The following ERBB4 variants were observed in gnomAD, a reference collection of about 807,000 sequenced individuals.
The protein encoded by ERBB4 is erb-b2 receptor tyrosine kinase 4.
Under a neutral mutation model 158.0 loss-of-function variants are expected in ERBB4, and 42 were observed. The observed-to-expected ratio is 0.27, with a 90% confidence interval of 0.21 to 0.34. The LOEUF (loss-of-function observed/expected upper bound fraction) is 0.34. Among genes scored for constraint, ERBB4 ranks in the 10% least tolerant of loss-of-function variants. ERBB4 has a pLI of 1.00. For missense variants in ERBB4, 1,333 were observed against 1,624.1 expected (o/e 0.82, Z 3.08); for synonymous variants, 583 against 558.7 (o/e 1.04, Z -0.61).
At chr2:212,293,873 A>AT (rs1553612446) in intron 1 of ERBB4, among the ~76,000 whole-genome samples, 3 of 146,058 alleles carry the variant, frequency 2.1e-5, no homozygotes, top group African/African-American at 8.0e-5. Context: ...AAAAAAAAAA[A>AT]CATACATTTG....
chr2:211,828,375 A>G (rs2077148220), intron 3 of ERBB4, among the ~76,000 whole-genome samples: 1 of 152,124 alleles, frequency 6.6e-6, no homozygotes. Flanking sequence ...TGAAATAAGG[A>G]AAGTAGAACA....
At chr2:211,667,942 T>G (rs2071691553) in intron 14 of ERBB4, among the ~76,000 whole-genome samples, 1 of 152,286 alleles carries the variant, frequency 6.6e-6, no homozygotes, top group South Asian at 2.1e-4. Context: ...CCGGGATATA[T>G]TCTGAGCAAT....
chr2:211,734,909 C>CAGAAAA (rs2074553770), intron 5 of ERBB4, among the ~76,000 whole-genome samples: 1 of 69,306 alleles, frequency 1.4e-5, no homozygotes, highest in African/African-American at 6.3e-5. Context: ...GAGACTCTGT[C>CAGAAAA]AAAAAAAAAA....
chr2:211,880,429 T>G (rs1160018346), intron 3 of ERBB4, among the ~76,000 whole-genome samples: 1 of 152,190 alleles, frequency 6.6e-6, no homozygotes, highest in Non-Finnish European at 1.5e-5. Flanking sequence ...CTATTATGTC[T>G]ATCCCTCATG....
intron 1 of ERBB4, chr2:212,426,164 GAATGTGATA>G (rs2091906975): frequency 1.2e-5 from 5 of 402,542 alleles, no homozygotes; most frequent in South Asian, 5.9e-5. Flanking sequence ...TTTTAAGTTT[GAATGTGATA>G]TCACTCTTTA....
chr2:211,579,353 A>C (rs562061891), intron 19 of ERBB4, among the ~76,000 whole-genome samples: 2 of 152,280 alleles, frequency 1.3e-5, no homozygotes, highest in Admixed American at 1.3e-4. Flanking sequence ...GTTGGTGAGA[A>C]TGTAAATTAG....
chr2:212,529,869 C>T (rs1156407029), intron 1 of ERBB4, among the ~76,000 whole-genome samples: 1 of 151,966 alleles, frequency 6.6e-6, no homozygotes, highest in Non-Finnish European at 1.5e-5. Flanking sequence ...AGTAAAAGCA[C>T]CAAGTAAGCC....
At chr2:211,856,366 C>CTATTTATTTATTTATTTATTTATT (rs33972622) in intron 3 of ERBB4, among the ~76,000 whole-genome samples, 1 of 140,642 alleles carries the variant, frequency 7.1e-6, no homozygotes, top group Non-Finnish European at 1.5e-5. Context: ...CTTGTAATTT[C>CTATTTATTTATTTATTTATTTATT]TATTTATTTA....
chr2:212,346,514 T>C (rs2089008087), intron 1 of ERBB4, among the ~76,000 whole-genome samples: 3 of 152,170 alleles, frequency 2.0e-5, no homozygotes, highest in African/African-American at 7.2e-5. Context: ...TTTTAAAATA[T>C]ATTTAAAACA....
At chr2:211,915,305 T>G (rs1169333272) in intron 3 of ERBB4, among the ~76,000 whole-genome samples, 1 of 152,092 alleles carries the variant, frequency 6.6e-6, no homozygotes. Flanking sequence ...TGCACCACTT[T>G]CCCACAGCAA....
intron 22 of ERBB4, among the ~76,000 whole-genome samples, chr2:211,427,941 GAAA>G (rs34071141): frequency 3.9e-4 from 54 of 137,760 alleles, no homozygotes; most frequent in South Asian, 2.8e-3. Flanking sequence ...AATAAACCAG[GAAA>G]AAAAAAAAAA....
At chr2:212,054,319 A>G (rs1471622307) in intron 2 of ERBB4, among the ~76,000 whole-genome samples, 1 of 152,180 alleles carries the variant, frequency 6.6e-6, no homozygotes, top group Admixed American at 6.5e-5. Flanking sequence ...TAAAGCATGC[A>G]TGAAGGTTTT....
intron 3 of ERBB4, among the ~76,000 whole-genome samples, chr2:211,811,216 C>CA (rs2076748341): frequency 6.6e-6 from 1 of 152,130 alleles, no homozygotes; most frequent in African/African-American, 2.4e-5. Flanking sequence ...CTGGTGGTGA[C>CA]AAAATCTCTC....
chr2:212,373,724 CAT>C lies in ERBB4; in HGVS notation c.82+164723_82+164724del, dbSNP rs545859352. 1.3e-3 allele frequency among the ~76,000 whole-genome samples: 174 copies of C among 136,248 alleles called. 3 individuals are homozygous for C. The highest frequency in any genetic ancestry group is 4.8e-3 in the South Asian group (20 of 4,202). The allele number at this position is 136,248 out of a possible 152,430, so 89.4% of individuals were successfully genotyped here. On this transcript the variant is annotated intron_variant, in intron 1 of 27. Coordinates refer to ENST00000342788, the MANE Select transcript of ERBB4 (RefSeq NM_005235.3). ...CCATATATATATCCACATATATATC[CAT>C]ATATATATATCCATATATATATCCA...
At chr2:212,359,750 G>A (rs1405976976) in intron 1 of ERBB4, among the ~76,000 whole-genome samples, 2 of 151,770 alleles carry the variant, frequency 1.3e-5, no homozygotes, top group African/African-American at 2.4e-5. Flanking sequence ...TGTGAAGATT[G>A]TCTGTGTTTT....
In ERBB4 at chr2:211,978,396, G is replaced by GTCTATCTATCTATCTATCTA. The variant is rs151243480; in HGVS notation, c.235-30800_235-30781dup. On this transcript the variant is annotated intron_variant, in intron 2 of 27. Transcript: ENST00000342788. ...TGTCTGTCTGTCTGTCTGTCTGTCT[G>GTCTATCTATCTATCTATCTA]TCTATCTATCTATCTATCTATCTAT... Among the ~76,000 whole-genome samples the GTCTATCTATCTATCTATCTA allele has an allele frequency of 5.3e-4, 72 of 136,652 alleles. 1 individual carries two copies. The highest frequency in any genetic ancestry group is 1.3e-3 in the Admixed American group (18 of 13,574). The allele number at this position is 136,652 out of a possible 152,430, so 89.6% of individuals were successfully genotyped here.
intron 1 of ERBB4, among the ~76,000 whole-genome samples, chr2:212,210,213 CAAAAAAA>C (rs58137267): frequency 4.4e-5 from 6 of 135,636 alleles, no homozygotes; most frequent in Admixed American, 1.5e-4. Context: ...AATGCTAGTG[CAAAAAAA>C]AAAAAAAAAA....
At chr2:211,641,489 A>G (rs1385867747) in intron 16 of ERBB4, among the ~76,000 whole-genome samples, 2 of 152,158 alleles carry the variant, frequency 1.3e-5, no homozygotes, top group Non-Finnish European at 2.9e-5. Flanking sequence ...CTAGAGCCAG[A>G]TGCCTTAGTA....
chr2:212,471,525 C>T (rs1689117678), intron 1 of ERBB4, among the ~76,000 whole-genome samples: 1 of 151,828 alleles, frequency 6.6e-6, no homozygotes, highest in Admixed American at 6.6e-5. Context: ...CTATCCAATG[C>T]CTTCAATTTT....
Sources: allele counts gnomAD v4.1 joint callset (sites outside exome capture counted in the v4.1 genomes callset), GRCh38; gene constraint gnomAD v4.1.1; transcripts MANE v1.5; gene names NCBI Gene and HGNC (gene_info 2026-07-23, HGNC 2026-07-21).